CEP128: variants seen among roughly 807,000 people sequenced by gnomAD.
CEP128 encodes centrosomal protein 128kDa.
CEP128 carries 132 observed loss-of-function variants against 156.7 expected under a neutral mutation model. The observed-to-expected ratio is 0.84, with a 90% CI of 0.73 to 0.97. The LOEUF is 0.97. Ranked by LOEUF, CEP128 falls within the 50% of genes least tolerant of loss-of-function variation. CEP128 has a pLI of 0.00. For synonymous variants in CEP128, 469 were observed against 448.9 expected, an observed-to-expected ratio of 1.04 and a Z score of -0.57; for missense variants, 1,252 against 1,281.9, an observed-to-expected ratio of 0.98 and a Z score of 0.36.
chr14:80,554,695 T>A (rs1450195159), intron 21 of CEP128, among the ~76,000 whole-genome samples: 1 of 152,110 alleles, frequency 6.6e-6, no homozygotes, highest in Non-Finnish European at 1.5e-5. Flanking sequence ...TGTAGCTATA[T>A]CCTTTTTTTC....
intron 19 of CEP128, among the ~76,000 whole-genome samples, chr14:80,624,223 G>A (rs912930566): frequency 1.3e-5 from 2 of 152,008 alleles, no homozygotes; most frequent in Non-Finnish European, 2.9e-5. Context: ...AAGTCCTCTA[G>A]GCTCATCCAT....
At chr14:80,786,724 G>T (rs915833206) in intron 14 of CEP128, among the ~76,000 whole-genome samples, 2 of 152,162 alleles carry the variant, frequency 1.3e-5, no homozygotes, top group Admixed American at 6.5e-5. Flanking sequence ...ATGAAGATTA[G>T]TGAGAAAGGG....
At chr14:80,902,889 G>A (rs990872784) in intron 6 of CEP128, among the ~76,000 whole-genome samples, 8 of 152,190 alleles carry the variant, frequency 5.3e-5, no homozygotes, top group South Asian at 2.1e-4. Context: ...AACAAAACAC[G>A]TCCAATTAAA....
intron 2 of CEP128, among the ~76,000 whole-genome samples, chr14:80,947,171 A>G (rs1886366117): frequency 6.6e-6 from 1 of 152,198 alleles, no homozygotes; most frequent in South Asian, 2.1e-4. Flanking sequence ...CAGTGTGAGA[A>G]TGGACTAATA....
intron 19 of CEP128, among the ~76,000 whole-genome samples, chr14:80,668,740 C>T (rs1324653846): frequency 1.3e-5 from 2 of 148,910 alleles, no homozygotes; most frequent in Non-Finnish European, 3.0e-5. Context: ...TTGGCTGTGT[C>T]CCCACCCAAA....
rs1481518842 is a variant in CEP128 at position 80,514,952 on chromosome 14, A to G, written c.3073-9932T>C. On this transcript the variant is annotated intron_variant, in intron 23 of 24. Transcript: ENST00000555265. ...CCATGTCTGCATTAAAGGGCACCTG[A>G]AGCCCAGTATCACTGTGAGTCTTGC... Among the ~76,000 whole-genome samples the G allele has an allele frequency of 2.0e-5, 3 of 152,224 alleles. No homozygotes were observed. In the East Asian group the frequency reaches 5.8e-4, roughly 29 times the overall value.
intron 19 of CEP128, among the ~76,000 whole-genome samples, chr14:80,652,315 AT>A (rs1267381225): frequency 6.6e-6 from 1 of 152,184 alleles, no homozygotes; most frequent in African/African-American, 2.4e-5. Context: ...ACCAAAAGCA[AT>A]GGCAACAAAA....
chr14:80,838,289 A>C lies in CEP128; in HGVS notation c.850-11T>G. 7 of 1,604,200 alleles carry C rather than the reference A, an allele frequency of 4.4e-6. No homozygotes were observed. The highest frequency in any genetic ancestry group is 6.0e-6 in the Non-Finnish European group (7 of 1,172,070). On this transcript the variant is annotated splice_polypyrimidine_tract_variant and intron_variant, in intron 10 of 24. Coordinates refer to ENST00000555265, the MANE Select transcript of CEP128 (RefSeq NM_152446.5). ...CAATTCCTGTTCAAGCTAGAGTTTC[A>C]ACAAAGGATAAAGAAAAATGCCCAA...
chr14:80,754,749 C>T (rs1256269012), intron 18 of CEP128, among the ~76,000 whole-genome samples: 2 of 152,172 alleles, frequency 1.3e-5, no homozygotes, highest in African/African-American at 4.8e-5. Flanking sequence ...AGGCGTGAGC[C>T]ACTGTGCCCG....
At chr14:80,486,560 A>G (rs1481605253), downstream of CEP128, among the ~76,000 whole-genome samples, 2 of 152,202 alleles carry the variant, frequency 1.3e-5, no homozygotes, top group East Asian at 3.9e-4. Flanking sequence ...TCCAAGACAC[A>G]TAATTGTCAG....
intron 21 of CEP128, among the ~76,000 whole-genome samples, chr14:80,558,564 G>A (rs761114747): frequency 1.6e-4 from 24 of 152,006 alleles, no homozygotes; most frequent in African/African-American, 3.1e-4. Context: ...CTGGGATTAC[G>A]GGCGTGAGCC....
At chr14:80,715,403 G>A (rs564771868) in intron 19 of CEP128, among the ~76,000 whole-genome samples, 27 of 152,060 alleles carry the variant, frequency 1.8e-4, no homozygotes, top group African/African-American at 5.8e-4. Context: ...GTGTTTTCTC[G>A]AGCTCCTGCT....
In CEP128 at chr14:80,553,951, G is replaced by A. The variant is rs150359246; in HGVS notation, c.2880+5328C>T. Among the ~76,000 whole-genome samples, 17 of 152,256 alleles carry A rather than the reference G, an allele frequency of 1.1e-4. No homozygotes were observed. In the East Asian group the frequency reaches 1.9e-3, roughly 17 times the overall value. On this transcript the variant is annotated intron_variant, in intron 21 of 24. Transcript: ENST00000555265. ...ATCCTTTGTTCCTGGTCATAGAGGA[G>A]GACGTCAGCATTTCAGTGCTAAGGT... is the stretch of plus-strand genomic sequence containing the variant.
chr14:80,596,960 T>TG (rs1391227298), intron 19 of CEP128, among the ~76,000 whole-genome samples: 3 of 150,246 alleles, frequency 2.0e-5, no homozygotes, highest in African/African-American at 7.4e-5. Flanking sequence ...TGCATGCATT[T>TG]GAAAAGAGGA....
chr14:80,639,452 A>G lies in CEP128; in HGVS notation c.2807-59029T>C, dbSNP rs1778745439. Among the ~76,000 whole-genome samples the G allele has an allele frequency of 2.6e-5, 4 of 152,162 alleles. No individual in the cohort carries two copies. In the South Asian group the frequency reaches 8.3e-4, roughly 32 times the overall value. On this transcript the variant is annotated intron_variant, in intron 19 of 24. Transcript: ENST00000555265. ...AAGAAGAGTAAAATAAAAATTTAAG[A>G]CCACTGGAATTCTCCCCAGCAATGT...
intron 2 of CEP128, among the ~76,000 whole-genome samples, chr14:80,932,888 AAAT>A (rs144739406): frequency 7.3e-5 from 11 of 151,640 alleles, no homozygotes; most frequent in African/African-American, 2.4e-4. Flanking sequence ...TATTGAAACC[AAAT>A]AATAATAATA....
intron 13 of CEP128, among the ~76,000 whole-genome samples, chr14:80,819,127 A>T (rs1885023112): frequency 6.6e-6 from 1 of 151,982 alleles, no homozygotes. Flanking sequence ...AGATCTGAAT[A>T]CTATCTTGCA....
At chr14:80,492,656 T>A (rs1490929892), downstream of CEP128, among the ~76,000 whole-genome samples, 1 of 152,206 alleles carries the variant, frequency 6.6e-6, no homozygotes, top group Non-Finnish European at 1.5e-5. Flanking sequence ...TGTCTTGTAC[T>A]TTTGAAAGCC....
At chr14:80,875,511 C>T (rs574604525) in intron 8 of CEP128, among the ~76,000 whole-genome samples, 1 of 152,108 alleles carries the variant, frequency 6.6e-6, no homozygotes, top group African/African-American at 2.4e-5. Context: ...AATAGACAAT[C>T]GAAACAGACA....
Sources: allele counts gnomAD v4.1 joint callset (sites outside exome capture counted in the v4.1 genomes callset), GRCh38; gene constraint gnomAD v4.1.1; transcripts MANE v1.5; gene names NCBI Gene and HGNC (gene_info 2026-07-23, HGNC 2026-07-21).